The following RNF24 variants were observed in gnomAD, a reference collection of about 807,000 sequenced individuals.
RNF24 encodes ring finger protein 24.
Under a neutral mutation model 20.0 loss-of-function variants are expected in RNF24, and 14 were observed. The observed-to-expected ratio is 0.70, with a 90% CI of 0.46 to 1.10. The LOEUF is 1.10. Among genes scored for constraint, RNF24 ranks in the 50% least tolerant of loss-of-function variants. The probability of loss-of-function intolerance (pLI) is 0.00; values close to 1 mark genes in which losing one functional copy is unlikely to be tolerated. For missense variants in RNF24, 124 were observed against 177.6 expected, an observed-to-expected ratio of 0.70 and a Z score of 1.71; for synonymous variants, 45 against 61.1, an observed-to-expected ratio of 0.74 and a Z score of 1.23.
intron 1 of RNF24, among the ~76,000 whole-genome samples, chr20:3,999,380 T>C (rs1183531635): frequency 6.6e-6 from 1 of 152,232 alleles, no homozygotes; most frequent in African/African-American, 2.4e-5. Context: ...CTTAGGTCTA[T>C]AGCTACAGTA....
intron 2 of RNF24, among the ~76,000 whole-genome samples, chr20:3,960,396 G>A (rs1388180415): frequency 2.0e-5 from 3 of 152,120 alleles, no homozygotes; most frequent in African/African-American, 4.8e-5. Context: ...TTGGCCAGGC[G>A]CGGTGGCTCA....
chr20:3,979,643 C>T (rs1294638448), intron 1 of RNF24, among the ~76,000 whole-genome samples: 1 of 151,960 alleles, frequency 6.6e-6, no homozygotes, highest in Non-Finnish European at 1.5e-5. Context: ...CCATTGCACT[C>T]CAACCTAGGT....
chr20:3,952,791 TATG>T (rs1467051358), intron 2 of RNF24, among the ~76,000 whole-genome samples: 1 of 152,202 alleles, frequency 6.6e-6, no homozygotes, highest in Non-Finnish European at 1.5e-5. Context: ...ATCAATGCTT[TATG>T]ATATTATACT....
chr20:4,002,738 T>C (rs1014050967), intron 1 of RNF24, among the ~76,000 whole-genome samples: 2 of 152,176 alleles, frequency 1.3e-5, no homozygotes, highest in African/African-American at 4.8e-5. Context: ...CTGAAGTAGG[T>C]TATTTCACTG....
chr20:3,929,424 A>G lies in RNF24; in HGVS notation c.*4639T>C, dbSNP rs1600602290. On this transcript the variant is annotated 3_prime_UTR_variant, in exon 6 of 6. Coordinates refer to ENST00000358395, the MANE Select transcript of RNF24 (RefSeq NM_001134337.3). Reference sequence around the variant, plus strand: ...CAACGAAAAGTTGGGAGGGAAAGGGAGTAGCTCCATGAACTGACGCTGGAC... The same window carrying G: ...CAACGAAAAGTTGGGAGGGAAAGGGGGTAGCTCCATGAACTGACGCTGGAC... 6.6e-6 allele frequency: 1 copy of G among 152,310 alleles called. No homozygotes were observed. Among genetic ancestry groups the G allele is most frequent in the African/African-American group, 2.4e-5 (1 of 41,460 alleles). The allele number at this position is 152,310 out of a possible 1,614,324, so 9.4% of individuals were successfully genotyped here. A position where few individuals can be genotyped will look rare whatever the true frequency, so the allele number is the denominator to read the frequency against.
In RNF24 at chr20:3,934,984, C is replaced by T; in HGVS notation, c.308+10G>A. The T allele has an allele frequency of 1.9e-6, 3 of 1,610,890 alleles. No homozygotes were observed. The highest frequency in any genetic ancestry group is 2.5e-6 in the Non-Finnish European group (3 of 1,177,120). ...CGGGTCCCATTAAGTAATTCCATAC[C>T]AATACTTACTTTCTGTGGAAGGCGT... On this transcript the variant is annotated intron_variant, in intron 5 of 5. Transcript: ENST00000358395. The surrounding 1 kb of genome is among the most constrained non-coding windows in gnomAD (Gnocchi z 4.0).
intron 1 of RNF24, among the ~76,000 whole-genome samples, chr20:3,997,229 C>CAA (rs1227396478): frequency 1.4e-3 from 69 of 50,796 alleles, no homozygotes; most frequent in East Asian, 2.0e-3. Flanking sequence ...GACTCCATCT[C>CAA]AAAAAAAAAA....
chr20:3,970,232 A>G (rs2091301142), intron 1 of RNF24, among the ~76,000 whole-genome samples: 1 of 152,118 alleles, frequency 6.6e-6, no homozygotes, highest in South Asian at 2.1e-4. Context: ...TGGAACTCCC[A>G]TTCCTGCCCC....
chr20:3,997,484 T>C (rs1054292305), intron 1 of RNF24, among the ~76,000 whole-genome samples: 8 of 151,714 alleles, frequency 5.3e-5, no homozygotes, highest in East Asian at 3.9e-4. Context: ...TGGAGTGCAA[T>C]GGTGTGATCA....
chr20:4,009,933 C>G (rs1324876752), intron 1 of RNF24, among the ~76,000 whole-genome samples: 2 of 152,126 alleles, frequency 1.3e-5, no homozygotes, highest in African/African-American at 4.8e-5. Context: ...CACCTGTAAT[C>G]CCAGCAACTG....
intron 1 of RNF24, among the ~76,000 whole-genome samples, chr20:3,997,118 C>A (rs1000013313): frequency 8.1e-5 from 12 of 147,956 alleles, no homozygotes. Context: ...CCCAGCTACT[C>A]GGGAGGCTGA....
At chr20:3,958,335 A>AT (rs1030859183) in intron 2 of RNF24, among the ~76,000 whole-genome samples, 34 of 152,062 alleles carry the variant, frequency 2.2e-4, no homozygotes, top group African/African-American at 8.2e-4. Flanking sequence ...CAGCACTAAA[A>AT]TACTTCCTTG....
At chr20:3,960,529 G>A (rs894443848) in intron 2 of RNF24, among the ~76,000 whole-genome samples, 7 of 151,960 alleles carry the variant, frequency 4.6e-5, no homozygotes, top group East Asian at 2.0e-4. Flanking sequence ...TTAGCTGGGC[G>A]TGGTGGCGTG....
intron 1 of RNF24, among the ~76,000 whole-genome samples, chr20:3,992,143 G>A (rs1462267963): frequency 6.6e-6 from 1 of 152,182 alleles, no homozygotes; most frequent in African/African-American, 2.4e-5. Flanking sequence ...CTCAATAACA[G>A]TTGGCTTTTT....
At chr20:3,980,259 G>C (rs1056366182) in intron 1 of RNF24, among the ~76,000 whole-genome samples, 1 of 152,210 alleles carries the variant, frequency 6.6e-6, no homozygotes, top group African/African-American at 2.4e-5. Context: ...GCATAGATAA[G>C]TAGTCTGCTA....
chr20:3,967,767 G>A (rs2091273145), intron 1 of RNF24, among the ~76,000 whole-genome samples: 2 of 151,716 alleles, frequency 1.3e-5, no homozygotes, highest in South Asian at 2.1e-4. Context: ...AGGCTGAGGC[G>A]GGCAGATCAC....
intron 1 of RNF24, among the ~76,000 whole-genome samples, chr20:3,975,872 A>G (rs1301246349): frequency 8.2e-5 from 12 of 146,760 alleles, no homozygotes; most frequent in African/African-American, 2.7e-4. Flanking sequence ...CAACCTTGCT[A>G]TTTTTTTTTT....
At chr20:3,983,940 CAAAAAAAAAAA>C (rs56680870) in intron 1 of RNF24, among the ~76,000 whole-genome samples, 2 of 65,672 alleles carry the variant, frequency 3.0e-5, no homozygotes, top group East Asian at 4.6e-4. Context: ...GACTTGGTCT[CAAAAAAAAAAA>C]AAAAAAAAAA....
intron 2 of RNF24, among the ~76,000 whole-genome samples, chr20:3,960,373 T>G (rs756078305): frequency 1.3e-5 from 2 of 152,144 alleles, no homozygotes; most frequent in African/African-American, 2.4e-5. Flanking sequence ...ACCTCATGAT[T>G]AAATTTTAAA....
Sources: gnomAD v4.1 joint callset for allele counts (sites outside exome capture counted in the v4.1 genomes callset) on GRCh38, gnomAD v4.1.1 for gene constraint, Gnocchi (gnomAD v3.1) non-coding constraint, MANE v1.5 for transcripts, NCBI Gene and HGNC (gene_info 2026-07-23, HGNC 2026-07-21) for gene names.